GTF2IRD2: variants seen among roughly 807,000 people sequenced by gnomAD.
The protein encoded by GTF2IRD2 is general transcription factor II-I repeat domain-containing protein 2A.
GTF2IRD2 carries 8 observed loss-of-function variants against 49.2 expected under a neutral mutation model. That is an observed-to-expected ratio of 0.16 (90% CI 0.10 to 0.29). The LOEUF (loss-of-function observed/expected upper bound fraction) is 0.29, where lower values mean the gene tolerates loss of function less well. GTF2IRD2 is among the 10% of genes least tolerant of loss of function. The pLI is 1.00. For synonymous variants in GTF2IRD2, 47 were observed against 289.7 expected, an observed-to-expected ratio of 0.16 and a Z score of 8.51; for missense variants, 130 against 725.7, an observed-to-expected ratio of 0.18 and a Z score of 9.43.
intron 3 of GTF2IRD2, among the ~76,000 whole-genome samples, chr7:74,830,568 G>C (rs1343299767): frequency 6.8e-6 from 1 of 146,450 alleles, no homozygotes; most frequent in African/African-American, 2.5e-5. Flanking sequence ...ATCCTTTGCA[G>C]CAATGTGGAG....
intron 8 of GTF2IRD2, among the ~76,000 whole-genome samples, chr7:74,813,574 AT>A (rs3031758): frequency 0.02 from 838 of 42,044 alleles, 78 homozygotes; most frequent in Non-Finnish European, 0.037. Context: ...ATATATAACC[AT>A]TTTTTTTTTT....
intron 3 of GTF2IRD2, among the ~76,000 whole-genome samples, chr7:74,829,710 T>C (rs1434731309): frequency 7.1e-6 from 1 of 140,520 alleles, no homozygotes; most frequent in Non-Finnish European, 1.5e-5. Flanking sequence ...TGAAACCCTA[T>C]CTCAAAATAC....
intron 2 of GTF2IRD2, among the ~76,000 whole-genome samples, chr7:74,835,957 C>T (rs1800270049): frequency 7.9e-6 from 1 of 126,892 alleles, no homozygotes; most frequent in Non-Finnish European, 1.5e-5. Context: ...TGCACTCCAG[C>T]CTGGGCAGCA....
chr7:74,842,489 C>T (rs1207418140), intron 1 of GTF2IRD2, among the ~76,000 whole-genome samples: 1 of 143,400 alleles, frequency 7.0e-6, no homozygotes, highest in Non-Finnish European at 1.5e-5. Flanking sequence ...CCTTGGCCTC[C>T]CAAAGTGCTG....
chr7:74,829,752 G>A lies in GTF2IRD2; in HGVS notation c.238+3053C>T, dbSNP rs1304009184. 8.6e-5 allele frequency among the ~76,000 whole-genome samples: 13 copies of A among 150,878 alleles called. 1 individual carries two copies. The highest frequency in any genetic ancestry group is 1.6e-4 in the Non-Finnish European group (11 of 67,742). ...AAAAAAAAAAAATTAGCTGGGCATGGTGGCATGTGCCTGTAATCCCAGCTA... is the reference window on the plus strand; with the variant it reads ...AAAAAAAAAAAATTAGCTGGGCATGATGGCATGTGCCTGTAATCCCAGCTA... On this transcript the variant is annotated intron_variant, in intron 3 of 15. Coordinates refer to ENST00000451013, the MANE Select transcript of GTF2IRD2 (RefSeq NM_173537.5).
At chr7:74,809,891 T>G (rs1360993757) in intron 10 of GTF2IRD2, among the ~76,000 whole-genome samples, 1 of 83,914 alleles carries the variant, frequency 1.2e-5, no homozygotes. Context: ...CCTCCTAGTT[T>G]CAAGCAATCC....
intron 3 of GTF2IRD2, among the ~76,000 whole-genome samples, chr7:74,829,987 A>C (rs1490044489): frequency 6.6e-6 from 1 of 150,748 alleles, no homozygotes; most frequent in African/African-American, 2.4e-5. Flanking sequence ...TCCTGATTTC[A>C]AAACATATTA....
chr7:74,831,413 T>C (rs1799841127), intron 3 of GTF2IRD2, among the ~76,000 whole-genome samples: 1 of 150,836 alleles, frequency 6.6e-6, no homozygotes, highest in African/African-American at 2.4e-5. Context: ...TCTACCTATC[T>C]ATCTAATCTA....
intron 8 of GTF2IRD2, among the ~76,000 whole-genome samples, chr7:74,818,441 G>T (rs1181953804): frequency 2.4e-5 from 3 of 124,550 alleles, no homozygotes; most frequent in African/African-American, 1.1e-4. Flanking sequence ...GAATTAGAAG[G>T]CTCCCTCTCT....
At chr7:74,809,803 T>C (rs1299753223) in intron 10 of GTF2IRD2, among the ~76,000 whole-genome samples, 2 of 135,182 alleles carry the variant, frequency 1.5e-5, no homozygotes, top group Admixed American at 1.5e-4. Flanking sequence ...ATTATTATTA[T>C]TATCATTATT....
At chr7:74,812,215 AC>A (rs1188074376) in intron 9 of GTF2IRD2, among the ~76,000 whole-genome samples, 5 of 27,298 alleles carry the variant, frequency 1.8e-4, no homozygotes, top group African/African-American at 3.2e-4. Flanking sequence ...ACATGGCGAA[AC>A]CCCGTCTCTA....
intron 10 of GTF2IRD2, among the ~76,000 whole-genome samples, chr7:74,809,901 C>T (rs1285057962): frequency 2.8e-5 from 2 of 71,182 alleles, no homozygotes; most frequent in Non-Finnish European, 5.9e-5. Flanking sequence ...TCAAGCAATC[C>T]TCGTGCCTCA....
chr7:74,825,530 A>G (rs1317659741), intron 3 of GTF2IRD2, among the ~76,000 whole-genome samples: 2 of 134,472 alleles, frequency 1.5e-5, no homozygotes, highest in Non-Finnish European at 3.2e-5. Flanking sequence ...TACAGGTGTG[A>G]GGCACTGCAC....
At chr7:74,825,780 A>C (rs1666725010) in intron 3 of GTF2IRD2, among the ~76,000 whole-genome samples, 1 of 151,598 alleles carries the variant, frequency 6.6e-6, no homozygotes, top group South Asian at 2.1e-4. Flanking sequence ...AAGGGGCACA[A>C]GTATAGTTTT....
chr7:74,845,615 T>C (rs1801219347), intron 1 of GTF2IRD2, among the ~76,000 whole-genome samples: 1 of 151,164 alleles, frequency 6.6e-6, no homozygotes, highest in African/African-American at 2.4e-5. Flanking sequence ...TATTGTGCTT[T>C]CTTTGCATTT....
chr7:74,836,763 G>A (rs1800380032), intron 1 of GTF2IRD2, among the ~76,000 whole-genome samples: 4 of 151,774 alleles, frequency 2.6e-5, no homozygotes, highest in Admixed American at 1.3e-4. Flanking sequence ...ACGGGGTTTT[G>A]CCATGTTACC....
At chr7:74,825,736 A>G (rs1554419441) in intron 3 of GTF2IRD2, among the ~76,000 whole-genome samples, 2 of 151,882 alleles carry the variant, frequency 1.3e-5, no homozygotes, top group Non-Finnish European at 2.9e-5. Context: ...ATTTGAACAC[A>G]GAAAGGTTTT....
chr7:74,818,516 G>C (rs1554418275), intron 8 of GTF2IRD2, among the ~76,000 whole-genome samples: 1 of 128,426 alleles, frequency 7.8e-6, no homozygotes, highest in Non-Finnish European at 1.6e-5. Flanking sequence ...CCGGAGTGCA[G>C]TGGTACCATT....
chr7:74,834,663 C>T (rs1337050790), intron 2 of GTF2IRD2, among the ~76,000 whole-genome samples: 1 of 109,648 alleles, frequency 9.1e-6, no homozygotes, highest in East Asian at 2.2e-4. Context: ...GTGAGCCACC[C>T]TGCCTACCCC....
Sources: allele counts gnomAD v4.1 joint callset (sites outside exome capture counted in the v4.1 genomes callset), GRCh38; gene constraint gnomAD v4.1.1; transcripts MANE v1.5; gene names NCBI Gene and HGNC (gene_info 2026-07-23, HGNC 2026-07-21).